The following FYB2 variants were observed in gnomAD, a reference collection of about 807,000 sequenced individuals.
FYB2 encodes the protein FYN binding protein 2, also known as FYN-binding protein 2.
Under a neutral mutation model 94.1 loss-of-function variants are expected in FYB2, and 103 were observed. The ratio of observed to expected loss-of-function variants is 1.09; its 90% CI spans 0.93 to 1.29. The LOEUF (loss-of-function observed/expected upper bound fraction) is 1.29. Ranked by LOEUF, FYB2 falls within the 50% of genes most tolerant of loss-of-function variation. The pLI, the probability that FYB2 is intolerant of heterozygous loss-of-function variation, is 0.00. For synonymous variants in FYB2, 293 were observed against 287.9 expected, an observed-to-expected ratio of 1.02 and a Z score of -0.18; for missense variants, 896 against 841.5, an observed-to-expected ratio of 1.06 and a Z score of -0.80.
rs1645661516 is a variant in FYB2 at position 56,767,856 on chromosome 1, G to A, written c.1036C>T (p.Leu346=). Residue 346 remains leucine, a synonymous_variant, in exon 5 of 20, where the codon CTG becomes TTG. Transcript: ENST00000343433. The part of the protein sequence containing the change: ...YLRHSGNSIN[L]CTAKEIADPT... Reference sequence around the variant, plus strand: ...TCAGCAATTTCTTTTGCAGTGCACAGGTTAATGGAGTTGCCAGAGTGTCTC... The same window carrying A: ...TCAGCAATTTCTTTTGCAGTGCACAAGTTAATGGAGTTGCCAGAGTGTCTC... 1 of 1,611,794 alleles carries A rather than the reference G, an allele frequency of 6.2e-7. No individual in the cohort carries two copies. Among genetic ancestry groups the A allele is most frequent in the South Asian group, 1.1e-5 (1 of 90,822 alleles).
intron 1 of FYB2, among the ~76,000 whole-genome samples, chr1:56,794,831 T>C (rs1335289750): frequency 6.6e-6 from 1 of 152,150 alleles, no homozygotes; most frequent in Non-Finnish European, 1.5e-5. Flanking sequence ...CTTACGTGCC[T>C]TGGGCAATTC....
chr1:56,723,204 G>GACAC (rs57903838), intron 17 of FYB2, among the ~76,000 whole-genome samples: 118 of 149,410 alleles, frequency 7.9e-4, no homozygotes, highest in South Asian at 6.3e-3. Flanking sequence ...AAGATTCACA[G>GACAC]ACACACACAC....
At chr1:56,746,417 C>A (rs1645068723) in intron 9 of FYB2, among the ~76,000 whole-genome samples, 1 of 151,848 alleles carries the variant, frequency 6.6e-6, no homozygotes, top group Non-Finnish European at 1.5e-5. Context: ...TCTTCTCTTT[C>A]TGCCATTCTG....
At chr1:56,808,338 A>G (rs1259382392) in intron 1 of FYB2, among the ~76,000 whole-genome samples, 1 of 152,170 alleles carries the variant, frequency 6.6e-6, no homozygotes, top group Non-Finnish European at 1.5e-5. Flanking sequence ...GCAAGCAGTC[A>G]AGAAATGCAA....
rs183147799 is a variant in FYB2 at position 56,774,904 on chromosome 1, C to T, written c.954-6966G>A. Reference sequence around the variant, plus strand: ...ATGCTGGATGCTTCCTGCCCTCAAACATTGGACTCCAAGTTCTTCAGCTTT... The same window carrying T: ...ATGCTGGATGCTTCCTGCCCTCAAATATTGGACTCCAAGTTCTTCAGCTTT... On this transcript the variant is annotated intron_variant, in intron 4 of 19. Transcript: ENST00000343433. Among the ~76,000 whole-genome samples the T allele has an allele frequency of 2.9e-3, 448 of 152,226 alleles. 2 individuals carry two copies. The highest frequency in any genetic ancestry group is 0.01 in the African/African-American group (432 of 41,546).
intron 1 of FYB2, among the ~76,000 whole-genome samples, chr1:56,797,591 C>G (rs1180565987): frequency 1.3e-5 from 2 of 152,116 alleles, no homozygotes; most frequent in Non-Finnish European, 2.9e-5. Context: ...GGTGTGGCCG[C>G]TCAGGGAATA....
chr1:56,740,645 G>C (rs1275520016), intron 13 of FYB2, 52 bp downstream of exon 13: 1 of 1,072,264 alleles, frequency 9.3e-7, no homozygotes, highest in African/African-American at 1.6e-5. Context: ...ATCAACTTGT[G>C]TATCTACCAG....
rs138618924 is a variant in FYB2 at position 56,787,860 on chromosome 1, T to G, written c.920-652A>C. 5.0e-3 allele frequency among the ~76,000 whole-genome samples: 766 copies of G among 152,372 alleles called. 5 individuals carry two copies. Among genetic ancestry groups the G allele is most frequent in the African/African-American group, 0.018 (731 of 41,596 alleles). ...TCATTCAGAGAGAATATTTGAGGCC[T>G]GAATTATTTAATGTTTATAAAAATC... On this transcript the variant is annotated intron_variant, in intron 3 of 19. Coordinates refer to ENST00000343433, the MANE Select transcript of FYB2 (RefSeq NM_001004303.5).
At chr1:56,800,292 G>T (rs1646490040) in intron 1 of FYB2, among the ~76,000 whole-genome samples, 1 of 152,060 alleles carries the variant, frequency 6.6e-6, no homozygotes, top group African/African-American at 2.4e-5. Context: ...GACTAAAAGG[G>T]CTTCAATTCA....
chr1:56,777,849 T>C (rs1347400143), intron 4 of FYB2, among the ~76,000 whole-genome samples: 1 of 152,170 alleles, frequency 6.6e-6, no homozygotes, highest in Admixed American at 6.5e-5. Context: ...TCCATGGCCC[T>C]TCTATAGTCT....
At chr1:56,805,110 C>T (rs1646613619) in intron 1 of FYB2, among the ~76,000 whole-genome samples, 1 of 152,188 alleles carries the variant, frequency 6.6e-6, no homozygotes, top group Non-Finnish European at 1.5e-5. Context: ...TCTGTACTTG[C>T]TCCATTTTAG....
At chr1:56,806,934 C>T (rs565212552) in intron 1 of FYB2, among the ~76,000 whole-genome samples, 18 of 152,292 alleles carry the variant, frequency 1.2e-4, no homozygotes, top group South Asian at 6.2e-4. Context: ...CTGGGGATCA[C>T]GGCCTGAAGT....
intron 1 of FYB2, among the ~76,000 whole-genome samples, chr1:56,812,558 T>C (rs1646790640): frequency 6.6e-6 from 1 of 152,220 alleles, no homozygotes; most frequent in Admixed American, 6.5e-5. Flanking sequence ...AACTTCTCTG[T>C]ATTTAATAGG....
chr1:56,822,906 C>T (rs979590510), upstream of FYB2, among the ~76,000 whole-genome samples: 13 of 152,044 alleles, frequency 8.6e-5, no homozygotes, highest in Non-Finnish European at 1.6e-4. Context: ...CTAGAGTAAC[C>T]TATTATTAAT....
At chr1:56,739,599 C>G (rs1857151) in intron 13 of FYB2, among the ~76,000 whole-genome samples, 18,375 of 152,114 alleles carry the variant, frequency 0.12, 1,301 homozygotes, top group Admixed American at 0.21. Context: ...TATATCTACA[C>G]AGATGTTCCC....
intron 16 of FYB2, among the ~76,000 whole-genome samples, chr1:56,723,896 A>T (rs952673306): frequency 6.6e-6 from 1 of 152,026 alleles, no homozygotes; most frequent in Non-Finnish European, 1.5e-5. Flanking sequence ...ATATATTTCC[A>T]TTAGAGCAAA....
chr1:56,748,165 G>T (rs1645111608), intron 9 of FYB2, among the ~76,000 whole-genome samples: 1 of 152,122 alleles, frequency 6.6e-6, no homozygotes, highest in African/African-American at 2.4e-5. Flanking sequence ...CAGATGGATA[G>T]ATTCCAAAAA....
chr1:56,747,391 A>G (rs1235577766), intron 9 of FYB2, among the ~76,000 whole-genome samples: 1 of 151,784 alleles, frequency 6.6e-6, no homozygotes, highest in Non-Finnish European at 1.5e-5. Context: ...ATTTGTCCTA[A>G]TGCTCTCTGT....
chr1:56,765,363 T>A (rs181881931), intron 5 of FYB2, among the ~76,000 whole-genome samples: 1 of 152,264 alleles, frequency 6.6e-6, no homozygotes, highest in East Asian at 1.9e-4. Context: ...CCTCACATAA[T>A]CTTTATGGAC....
Sources: allele counts gnomAD v4.1 joint callset (sites outside exome capture counted in the v4.1 genomes callset), GRCh38; gene constraint gnomAD v4.1.1; transcripts MANE v1.5; gene names NCBI Gene and HGNC (gene_info 2026-07-23, HGNC 2026-07-21).